Variants in TBL1X observed in about 807,000 individuals in gnomAD.
TBL1X encodes transducin beta like 1 X-linked.
TBL1X carries 10 observed loss-of-function variants against 50.7 expected under a neutral mutation model. That is an observed-to-expected ratio of 0.20 (90% confidence interval 0.12 to 0.33). The LOEUF is 0.33. Ranked by LOEUF, TBL1X falls within the 10% of genes least tolerant of loss-of-function variation. TBL1X has a pLI of 1.00. For missense variants in TBL1X, 340 were observed against 504.4 expected, an observed-to-expected ratio of 0.67 and a Z score of 3.12; for synonymous variants, 190 against 214.7, an observed-to-expected ratio of 0.88 and a Z score of 1.01.
chrX:9,525,456 C>T (rs920154706), intron 2 of TBL1X, among the ~76,000 whole-genome samples: 2 of 112,087 alleles, frequency 1.8e-5, no homozygotes, highest in African/African-American at 6.5e-5. Flanking sequence ...GCAAATACCG[C>T]GGGAACACTG....
At chrX:9,689,012 A>ATGTGTGCGTGTGTGCG (rs200552551) in intron 7 of TBL1X, among the ~76,000 whole-genome samples, 5 of 112,826 alleles carry the variant, frequency 4.4e-5, no homozygotes, top group Non-Finnish European at 3.8e-5. Flanking sequence ...GTGTGCGTGT[A>ATGTGTGCGTGTGTGCG]TGTGTGCGTG....
chrX:9,701,080 G>A (rs767888929), intron 12 of TBL1X, among the ~76,000 whole-genome samples: 7 of 110,586 alleles, frequency 6.3e-5, no homozygotes, highest in Admixed American at 4.8e-4. Context: ...CAGTTGCAGC[G>A]ATACACATCT....
intron 2 of TBL1X, among the ~76,000 whole-genome samples, chrX:9,512,398 A>G (rs2082060302): frequency 9.0e-6 from 1 of 111,688 alleles, no homozygotes; most frequent in Admixed American, 9.5e-5. Flanking sequence ...CCCTGAGCTT[A>G]ACTACCTGGT....
In TBL1X at chrX:9,497,630, T is replaced by C. The variant is rs778714640; in HGVS notation, c.-200-4150T>C. On this transcript the variant is annotated intron_variant, in intron 1 of 17. Transcript: ENST00000645353. ...GATAGTTGGTGGGCATTTCAAACTT[T>C]CTCTTCATATCTATGGATACCCAAA... Among the ~76,000 whole-genome samples, 4 of 109,525 alleles carry C rather than the reference T, an allele frequency of 3.7e-5. No homozygotes were observed. In the South Asian group the frequency reaches 1.6e-3, roughly 44 times the overall value.
At chrX:9,497,143 TCA>T (rs1950985983) in intron 1 of TBL1X, among the ~76,000 whole-genome samples, 1 of 111,360 alleles carries the variant, frequency 9.0e-6, no homozygotes, top group African/African-American at 3.3e-5. Flanking sequence ...GCACAGTGGC[TCA>T]CGCCTGTAAT....
intron 1 of TBL1X, among the ~76,000 whole-genome samples, chrX:9,491,306 TTATATATATATATATA>T (rs757466880): frequency 0.036 from 1,884 of 51,864 alleles, 39 homozygotes; most frequent in Middle Eastern, 0.041. Flanking sequence ...GCCAGTATAT[TTATATATATATATATA>T]TATATATATA....
rs1282631094 is a variant in TBL1X at position 9,524,892 on chromosome X, C to T, written c.-131+23043C>T. On this transcript the variant is annotated intron_variant, in intron 2 of 17. Transcript: ENST00000645353. Reference sequence around the variant, plus strand: ...TCAGTCTATCAAGTAGCTTGGACTACAGGCACATGCCACCATGCCCAGCTA... The same window carrying T: ...TCAGTCTATCAAGTAGCTTGGACTATAGGCACATGCCACCATGCCCAGCTA... Among the ~76,000 whole-genome samples, 4 of 112,010 alleles carry T rather than the reference C, an allele frequency of 3.6e-5. No individual in the cohort carries two copies. In the East Asian group the frequency reaches 1.1e-3, roughly 31 times the overall value.
At chrX:9,539,813 ACCCCCTTCATTAT>A (rs1490944607) in intron 2 of TBL1X, among the ~76,000 whole-genome samples, 1 of 110,963 alleles carries the variant, frequency 9.0e-6, no homozygotes, top group East Asian at 2.8e-4. Flanking sequence ...TTCCCACTCC[ACCCCCTTCATTAT>A]CAAGTCGTGG....
At chrX:9,683,221 C>T (rs1437953405) in intron 5 of TBL1X, among the ~76,000 whole-genome samples, 1 of 112,051 alleles carries the variant, frequency 8.9e-6, no homozygotes, top group African/African-American at 3.2e-5. Flanking sequence ...TGCATCATTG[C>T]CTTCTTTCCT....
chrX:9,666,738 C>A, intron 5 of TBL1X, among the ~76,000 whole-genome samples: 1 of 111,492 alleles, frequency 9.0e-6, no homozygotes, highest in East Asian at 2.8e-4. Flanking sequence ...CAGACATTGT[C>A]TGCAGCTCTG....
chrX:9,687,965 CA>C lies in TBL1X; in HGVS notation c.358-51del, dbSNP rs199621012. On this transcript the variant is annotated intron_variant, in intron 6 of 17. Transcript: ENST00000645353. ...CTGCCCAGAGAGCAGAGGCCATTCCCAGAGCCCTCACCCCCGTGAGCTGACA... is the reference window on the plus strand; with the variant it reads ...CTGCCCAGAGAGCAGAGGCCATTCCCGAGCCCTCACCCCCGTGAGCTGACA... 9.7e-3 allele frequency: 11,208 copies of C among 1,160,595 alleles called. 205 individuals carry two copies. The highest frequency in any genetic ancestry group is 0.085 in the African/African-American group (4,681 of 55,373).
At chrX:9,705,723 TAA>T (rs34666783) in intron 13 of TBL1X, among the ~76,000 whole-genome samples, 71 of 78,204 alleles carry the variant, frequency 9.1e-4, no homozygotes, top group African/African-American at 1.8e-3. Flanking sequence ...CTTGTCTCTT[TAA>T]AAAAAAAAAA....
At chrX:9,550,745 G>A (rs191904064) in intron 2 of TBL1X, among the ~76,000 whole-genome samples, 3 of 112,319 alleles carry the variant, frequency 2.7e-5, no homozygotes, top group African/African-American at 9.7e-5. Flanking sequence ...CAAGGACTGC[G>A]TGTGCTTTAA....
At chrX:9,470,266 T>A (rs1280542101) in intron 1 of TBL1X, among the ~76,000 whole-genome samples, 2 of 112,751 alleles carry the variant, frequency 1.8e-5, no homozygotes, top group Non-Finnish European at 3.8e-5. Context: ...CTCTTTTAGT[T>A]ATTTGCTCTT....
intron 3 of TBL1X, among the ~76,000 whole-genome samples, chrX:9,645,819 A>T (rs1443247965): frequency 8.9e-6 from 1 of 112,026 alleles, no homozygotes; most frequent in South Asian, 3.7e-4. Context: ...GTTTTCCTAC[A>T]GGTTTGGGTC....
At chrX:9,569,493 CTG>C (rs1258576752) in intron 2 of TBL1X, among the ~76,000 whole-genome samples, 16 of 112,023 alleles carry the variant, frequency 1.4e-4, no homozygotes, top group Non-Finnish European at 2.4e-4. Flanking sequence ...TCACATTTGA[CTG>C]TGATTACTGT....
intron 5 of TBL1X, among the ~76,000 whole-genome samples, chrX:9,664,310 A>G (rs2082914690): frequency 8.9e-6 from 1 of 112,411 alleles, no homozygotes; most frequent in African/African-American, 3.2e-5. Flanking sequence ...CCATAATGCA[A>G]AGGCAGCCAA....
chrX:9,712,494 T>C lies in TBL1X; in HGVS notation c.1605+718T>C, dbSNP rs138923423. The stretch of plus-strand genomic sequence containing the variant: ...CTGGAATTACAGGCACCCGCCATCA[T>C]GCCCAGCTTATTTTTGTATTTTTAG... On this transcript the variant is annotated intron_variant, in intron 16 of 17. Coordinates refer to ENST00000645353, the MANE Select transcript of TBL1X (RefSeq NM_005647.4). 4.0e-3 allele frequency among the ~76,000 whole-genome samples: 446 copies of C among 112,199 alleles called. 2 individuals are homozygous for C. The highest frequency in any genetic ancestry group is 0.012 in the African/African-American group (361 of 30,880).
At chrX:9,600,745 G>A (rs916524772) in intron 2 of TBL1X, among the ~76,000 whole-genome samples, 2 of 111,570 alleles carry the variant, frequency 1.8e-5, no homozygotes, top group Non-Finnish European at 3.8e-5. Context: ...GTTTTGTATG[G>A]TCTGATTGGG....
Sources: gnomAD v4.1 joint callset for allele counts (sites outside exome capture counted in the v4.1 genomes callset) on GRCh38, gnomAD v4.1.1 for gene constraint, MANE v1.5 for transcripts, NCBI Gene and HGNC (gene_info 2026-07-23, HGNC 2026-07-21) for gene names.